The following HIPK3 variants were observed in gnomAD, a reference collection of about 807,000 sequenced individuals.
HIPK3 encodes homeodomain interacting protein kinase 3.
A neutral mutation model predicts 124.2 loss-of-function variants in HIPK3; 47 were observed. That is an observed-to-expected ratio of 0.38 (90% CI 0.30 to 0.48). The LOEUF is 0.48. Among genes scored for constraint, HIPK3 ranks in the 20% least tolerant of loss-of-function variants. HIPK3 has a pLI of 0.98. For missense variants in HIPK3, 1,286 were observed against 1,454.3 expected, an observed-to-expected ratio of 0.88 and a Z score of 1.88; for synonymous variants, 482 against 515.2, an observed-to-expected ratio of 0.94 and a Z score of 0.87.
intron 2 of HIPK3, among the ~76,000 whole-genome samples, chr11:33,316,936 G>T (rs912272398): frequency 6.6e-6 from 1 of 152,112 alleles, no homozygotes; most frequent in Non-Finnish European, 1.5e-5. Flanking sequence ...TTCCTTTGCA[G>T]TCTCAAAGAC....
At chr11:33,327,279 T>C (rs1476038165) in intron 2 of HIPK3, among the ~76,000 whole-genome samples, 2 of 152,136 alleles carry the variant, frequency 1.3e-5, no homozygotes, top group African/African-American at 4.8e-5. Context: ...TGAGAAAACA[T>C]GATCACTTCT....
At position 33,286,934 on chromosome 11, in the gene HIPK3, A is replaced by G; in HGVS notation, c.520A>G (p.Asn174Asp). 6.2e-7 allele frequency: 1 copy of G among 1,614,210 alleles called. No homozygotes were observed. Among genetic ancestry groups the G allele is most frequent in the Non-Finnish European group, 8.5e-7 (1 of 1,180,032 alleles). ...VVTATTGSKQ[N>D]CTTGEGDYQL... Reference sequence around the variant, plus strand: ...GACAGCTACCACAGGATCAAAACAGAATTGTACCACTGGAGAAGGTGACTA... The same window carrying G: ...GACAGCTACCACAGGATCAAAACAGGATTGTACCACTGGAGAAGGTGACTA... Residue 174 changes from asparagine to aspartate, a missense_variant, in exon 2 of 17, where the codon AAT becomes GAT. Asn to Asp is a conservative substitution (Grantham distance 23, BLOSUM62 1). Transcript: ENST00000303296.
chr11:33,307,774 G>C (rs796398968), intron 2 of HIPK3, among the ~76,000 whole-genome samples: 12 of 151,972 alleles, frequency 7.9e-5, no homozygotes, highest in African/African-American at 2.9e-4. Flanking sequence ...GTGTGTGTGT[G>C]TGTGTGAGTG....
At chr11:33,295,566 A>G (rs1284782347) in intron 2 of HIPK3, among the ~76,000 whole-genome samples, 1 of 152,260 alleles carries the variant, frequency 6.6e-6, no homozygotes, top group Non-Finnish European at 1.5e-5. Context: ...TCGTTCACAT[A>G]GTACCCAGGT....
At chr11:33,265,630 T>C (rs1850933967) in intron 1 of HIPK3, among the ~76,000 whole-genome samples, 1 of 151,558 alleles carries the variant, frequency 6.6e-6, no homozygotes, top group Non-Finnish European at 1.5e-5. Flanking sequence ...AAAAACTAGC[T>C]GGGCATGGTG....
At position 33,274,937 on chromosome 11, in the gene HIPK3, C is replaced by G. The variant is rs267441; in HGVS notation, c.-2-11476C>G. ...CAATACTGCTGGAAAATACCCAAGA[C>G]TTTAGTATTTTCAAAATAAATGTTC... On this transcript the variant is annotated intron_variant, in intron 1 of 16. Transcript: ENST00000303296. 5.1e-3 allele frequency among the ~76,000 whole-genome samples: 782 copies of G among 152,176 alleles called. 2 individuals are homozygous for G. Among genetic ancestry groups the G allele is most frequent in the African/African-American group, 0.018 (728 of 41,500 alleles).
intron 2 of HIPK3, among the ~76,000 whole-genome samples, chr11:33,299,302 T>C (rs1039408392): frequency 2.6e-5 from 4 of 151,502 alleles, no homozygotes; most frequent in Non-Finnish European, 4.4e-5. Context: ...TGAAACCCTG[T>C]CTCTACTAAA....
At chr11:33,350,342 C>T (rs1335902879) in intron 14 of HIPK3, among the ~76,000 whole-genome samples, 1 of 151,980 alleles carries the variant, frequency 6.6e-6, no homozygotes, top group Non-Finnish European at 1.5e-5. Context: ...GTAAGCTTGT[C>T]CTAAGCAGAA....
intron 10 of HIPK3, 38 bp from the exon 11 acceptor site, chr11:33,347,814 G>T (rs1289993380): frequency 1.2e-6 from 2 of 1,613,238 alleles, no homozygotes; most frequent in Non-Finnish European, 8.5e-7. Context: ...ATTAAAGAAA[G>T]ATCTTGATTA....
intron 1 of HIPK3, 22 bp from the exon 2 acceptor site, chr11:33,286,391 C>CTTTTTTTTTTTTTTTT (rs34512764): frequency 9.4e-7 from 1 of 1,059,790 alleles, no homozygotes; most frequent in Admixed American, 4.9e-5. Flanking sequence ...TTTTCTTTTC[C>CTTTTTTTTTTTTTTTT]TTTTTTTTTT....
chr11:33,326,834 C>G (rs1852825401), intron 2 of HIPK3, among the ~76,000 whole-genome samples: 1 of 151,726 alleles, frequency 6.6e-6, no homozygotes, highest in South Asian at 2.1e-4. Context: ...ATCACCCTGG[C>G]TAATTAAAAA....
chr11:33,352,326 C>T lies in HIPK3; in HGVS notation c.3171+61C>T, dbSNP rs138197706. On this transcript the variant is annotated intron_variant, in intron 16 of 16. Coordinates refer to ENST00000303296, the MANE Select transcript of HIPK3 (RefSeq NM_005734.5). ...ATTCAAATTTAGCAGTTGTTTTTCA[C>T]GTGGAGGAGAAAGCTTCTGAAACTG... is the stretch of plus-strand genomic sequence containing the variant. 30 of 1,554,884 alleles carry T rather than the reference C, an allele frequency of 1.9e-5. No individual in the cohort carries two copies. In the African/African-American group the frequency reaches 2.7e-4, roughly 14 times the overall value.
At chr11:33,306,508 T>A (rs1177543833) in intron 2 of HIPK3, among the ~76,000 whole-genome samples, 5 of 152,198 alleles carry the variant, frequency 3.3e-5, no homozygotes, top group African/African-American at 1.2e-4. Flanking sequence ...TGAAACAATA[T>A]ACTTATGTCT....
At chr11:33,308,033 T>C (rs1359321339) in intron 2 of HIPK3, among the ~76,000 whole-genome samples, 2 of 152,234 alleles carry the variant, frequency 1.3e-5, no homozygotes, top group Non-Finnish European at 2.9e-5. Context: ...TCCTGTTTCC[T>C]TTTTAAAGCT....
chr11:33,284,403 T>A (rs966510742), intron 1 of HIPK3, among the ~76,000 whole-genome samples: 2 of 152,208 alleles, frequency 1.3e-5, no homozygotes, highest in Non-Finnish European at 2.9e-5. Context: ...TGCTAACCCC[T>A]GCCTAGAGGG....
chr11:33,296,808 C>T (rs1851853944), intron 2 of HIPK3, among the ~76,000 whole-genome samples: 1 of 152,164 alleles, frequency 6.6e-6, no homozygotes, highest in African/African-American at 2.4e-5. Context: ...ACCTGAGACA[C>T]AACAATATTG....
chr11:33,324,445 G>T (rs1433621044), intron 2 of HIPK3, among the ~76,000 whole-genome samples: 2 of 152,150 alleles, frequency 1.3e-5, no homozygotes, highest in Non-Finnish European at 2.9e-5. Context: ...GAAATTTACT[G>T]CATTTTCTCT....
intron 2 of HIPK3, among the ~76,000 whole-genome samples, chr11:33,306,879 T>C (rs1852176021): frequency 6.6e-6 from 1 of 152,182 alleles, no homozygotes; most frequent in Non-Finnish European, 1.5e-5. Context: ...CTGCTGTTGC[T>C]TTTCAGGGAA....
At chr11:33,295,462 A>G (rs548648692) in intron 2 of HIPK3, among the ~76,000 whole-genome samples, 1 of 152,352 alleles carries the variant, frequency 6.6e-6, no homozygotes, top group East Asian at 1.9e-4. Context: ...GAGGCCTCGC[A>G]ATAAAACGTG....
Sources: gnomAD v4.1 joint callset for allele counts (sites outside exome capture counted in the v4.1 genomes callset) on GRCh38, gnomAD v4.1.1 for gene constraint, MANE v1.5 for transcripts, NCBI Gene and HGNC (gene_info 2026-07-23, HGNC 2026-07-21) for gene names.